Variants in CBL observed in about 807,000 individuals in gnomAD.
CBL encodes E3 ubiquitin-protein ligase CBL.
CBL carries 45 observed loss-of-function variants against 96.9 expected under a neutral mutation model. That is an observed-to-expected ratio of 0.46 (90% confidence interval 0.37 to 0.60). The LOEUF is 0.60. Among genes scored for constraint, CBL ranks in the 20% least tolerant of loss-of-function variants. The pLI, the probability that CBL is intolerant of heterozygous loss-of-function variation, is 0.00. For missense variants in CBL, 1,024 were observed against 1,143.5 expected (o/e 0.90, Z 1.51); for synonymous variants, 420 against 426.8 (o/e 0.98, Z 0.20).
At chr11:119,210,072 G>T (rs759382965) in intron 1 of CBL, among the ~76,000 whole-genome samples, 2 of 152,084 alleles carry the variant, frequency 1.3e-5, no homozygotes, top group Non-Finnish European at 2.9e-5. Context: ...AGAGAAAAGA[G>T]AAAAAGTCAC....
chr11:119,269,172 T>G (rs1233127286), intron 2 of CBL, among the ~76,000 whole-genome samples: 1 of 152,116 alleles, frequency 6.6e-6, no homozygotes, highest in African/African-American at 2.4e-5. Flanking sequence ...GTAGAAATTC[T>G]ATTAAACAAT....
Position 119,244,581 on chromosome 11 carries a change from A to ATTTTTTTTTTTTTTTTTTTTT in CBL, c.443+11904_443+11905insTTTTTTTTTTTTTTTTTTTTT, listed in dbSNP as rs532837579. On this transcript the variant is annotated intron_variant, in intron 2 of 15. Coordinates refer to ENST00000264033, the MANE Select transcript of CBL (RefSeq NM_005188.4). ...AGGTGCATGCTACCATGCCCGGCTAATTTTTTTTTTTTTTTTTTGAGACGG... is the reference window on the plus strand; with the variant it reads ...AGGTGCATGCTACCATGCCCGGCTAATTTTTTTTTTTTTTTTTTTTTTTTTTTTTTTTTTTTTTTGAGACGG... 1.7e-3 allele frequency among the ~76,000 whole-genome samples: 177 copies of ATTTTTTTTTTTTTTTTTTTTT among 104,352 alleles called. 15 individuals are homozygous for ATTTTTTTTTTTTTTTTTTTTT. The highest frequency in any genetic ancestry group is 3.6e-3 in the South Asian group (8 of 2,224). 68.5% of individuals were successfully genotyped at this position (104,352 alleles called of 152,430 possible).
rs1317881389 is a variant in CBL, at chr11:119,243,892, C to T, written c.443+11197C>T. Among the ~76,000 whole-genome samples the T allele has an allele frequency of 2.6e-5, 4 of 151,920 alleles. No homozygotes were observed. In the East Asian group the frequency reaches 7.8e-4, roughly 30 times the overall value. On this transcript the variant is annotated intron_variant, in intron 2 of 15. Coordinates refer to ENST00000264033, the MANE Select transcript of CBL (RefSeq NM_005188.4). ...TACAGGTGTGTACCACCATGCCTGG[C>T]TCGTTTTTAAATTTTTTGTGGACAT...
intron 2 of CBL, among the ~76,000 whole-genome samples, chr11:119,239,302 A>G (rs1949568101): frequency 6.6e-6 from 1 of 152,104 alleles, no homozygotes; most frequent in Non-Finnish European, 1.5e-5. Context: ...TATTTCAGTA[A>G]TGTTTTGTAG....
chr11:119,297,536 T>G (rs1950072919), intron 14 of CBL, 55 bp downstream of exon 14: 1 of 1,317,684 alleles, frequency 7.6e-7, no homozygotes, highest in Admixed American at 1.7e-5. Context: ...GGAATGAACA[T>G]GTAATATTTG....
At chr11:119,275,928 T>C in intron 5 of CBL, 69 bp from the exon 6 acceptor site, 1 of 1,382,942 alleles carries the variant, frequency 7.2e-7, no homozygotes, top group South Asian at 1.2e-5. Flanking sequence ...TTTTTGTCTG[T>C]ATCTTGCCTT....
intron 1 of CBL, among the ~76,000 whole-genome samples, chr11:119,219,413 T>G (rs920505109): frequency 2.6e-5 from 4 of 151,570 alleles, no homozygotes; most frequent in Admixed American, 1.3e-4. Flanking sequence ...GAAATCATAC[T>G]AGGCTTGCTG....
Position 119,263,091 on chromosome 11 carries a change from A to G in CBL, c.444-8644A>G, listed in dbSNP as rs77483174. 1.4e-4 allele frequency among the ~76,000 whole-genome samples: 22 copies of G among 152,330 alleles called. No individual in the cohort carries two copies. In the East Asian group the frequency reaches 1.9e-3, roughly 13 times the overall value. ...CTTTATTTAGCTTAGTAAAGCATCT[A>G]ATCCCTAGTAAACTCTTAGTGTTAA... On this transcript the variant is annotated intron_variant, in intron 2 of 15. Coordinates refer to ENST00000264033, the MANE Select transcript of CBL (RefSeq NM_005188.4).
At position 119,206,455 on chromosome 11, in the gene CBL, G is replaced by A. The variant is rs776906066; in HGVS notation, c.38G>A (p.Gly13Asp). The A allele has an allele frequency of 1.3e-6, 2 of 1,581,316 alleles. No homozygotes were observed. The highest frequency in any genetic ancestry group is 1.7e-6 in the Non-Finnish European group (2 of 1,167,862). Residue 13 changes from glycine (G) to aspartate (D), a missense_variant, in exon 1 of 16, where the codon GGC becomes GAC. By Grantham distance (94) the Gly-to-Asp change is moderately conservative. Coordinates refer to ENST00000264033, the MANE Select transcript of CBL (RefSeq NM_005188.4). ...GNVKKSSGAG[G>D]GSGSGGSGSG... ...GTGAAGAAGAGCTCTGGGGCCGGGG[G>A]CGGCAGCGGCTCCGGGGGCTCGGGT...
chr11:119,281,276 A>C (rs1323420064), intron 9 of CBL, among the ~76,000 whole-genome samples: 1 of 151,948 alleles, frequency 6.6e-6, no homozygotes, highest in East Asian at 1.9e-4. Flanking sequence ...TTCTTTGTTT[A>C]TGTCCTTAAA....
Position 119,252,994 on chromosome 11 carries a change from C to A in CBL, c.444-18741C>A, listed in dbSNP as rs77099914. 8.0e-3 allele frequency among the ~76,000 whole-genome samples: 1,217 copies of A among 151,728 alleles called. 20 individuals are homozygous for A. Among genetic ancestry groups the A allele is most frequent in the African/African-American group, 0.028 (1,147 of 41,382 alleles). On this transcript the variant is annotated intron_variant, in intron 2 of 15. Coordinates refer to ENST00000264033, the MANE Select transcript of CBL (RefSeq NM_005188.4). ...TAACATATTGTTGGTAGCATAGTTT[C>A]TTAGTCATTTTACCAGTTGGCACAC...
intron 2 of CBL, among the ~76,000 whole-genome samples, chr11:119,266,607 G>T (rs555583772): frequency 5.3e-5 from 8 of 151,906 alleles, no homozygotes; most frequent in South Asian, 2.1e-4. Context: ...AGAGAGAAAA[G>T]AAATGACACC....
At chr11:119,290,786 C>G (rs1177758358) in intron 12 of CBL, among the ~76,000 whole-genome samples, 1 of 151,516 alleles carries the variant, frequency 6.6e-6, no homozygotes, top group Non-Finnish European at 1.5e-5. Flanking sequence ...AGCGAATCTC[C>G]TGACTCAGCC....
At chr11:119,241,933 A>G (rs568853964) in intron 2 of CBL, among the ~76,000 whole-genome samples, 17 of 152,328 alleles carry the variant, frequency 1.1e-4, no homozygotes, top group African/African-American at 3.8e-4. Flanking sequence ...TTCTAGTTTG[A>G]GCAACTGGAT....
intron 9 of CBL, among the ~76,000 whole-genome samples, chr11:119,283,375 T>G (rs1664061241): frequency 6.6e-6 from 1 of 152,140 alleles, no homozygotes; most frequent in Non-Finnish European, 1.5e-5. Flanking sequence ...ACTAATAACA[T>G]GACTAAATAT....
chr11:119,255,937 G>A (rs1949707785), intron 2 of CBL, among the ~76,000 whole-genome samples: 1 of 151,154 alleles, frequency 6.6e-6, no homozygotes, highest in Non-Finnish European at 1.5e-5. Flanking sequence ...GTTTTACTGT[G>A]TTGCCCAGGC....
intron 1 of CBL, among the ~76,000 whole-genome samples, chr11:119,229,338 A>G (rs550154082): frequency 6.6e-6 from 1 of 152,096 alleles, no homozygotes; most frequent in Non-Finnish European, 1.5e-5. Flanking sequence ...TTCCCTGGCC[A>G]TGTTCTTCCC....
intron 9 of CBL, among the ~76,000 whole-genome samples, chr11:119,280,427 T>C (rs185734378): frequency 1.3e-5 from 2 of 152,376 alleles, no homozygotes; most frequent in Non-Finnish European, 2.9e-5. Context: ...ATTTAACTTT[T>C]GGTTAGTTAT....
At chr11:119,211,123 G>A (rs1949314756) in intron 1 of CBL, among the ~76,000 whole-genome samples, 1 of 152,182 alleles carries the variant, frequency 6.6e-6, no homozygotes, top group South Asian at 2.1e-4. Flanking sequence ...TGTAATCCCA[G>A]CACTTTGGGA....
Sources: allele counts gnomAD v4.1 joint callset (sites outside exome capture counted in the v4.1 genomes callset), GRCh38; gene constraint gnomAD v4.1.1; transcripts MANE v1.5; gene names NCBI Gene and HGNC (gene_info 2026-07-23, HGNC 2026-07-21).